The following SCTR variants were observed in gnomAD, a reference collection of about 807,000 sequenced individuals.
The protein encoded by SCTR is pancreatic secretin receptor.
Under a neutral mutation model 60.8 loss-of-function variants are expected in SCTR, and 56 were observed. That is an observed-to-expected ratio of 0.92 (90% CI 0.74 to 1.15). SCTR has a LOEUF of 1.15. SCTR is among the 50% of genes most tolerant of loss of function. The pLI, the probability that SCTR is intolerant of heterozygous loss-of-function variation, is 0.00. For missense variants in SCTR, 562 were observed against 550.4 expected (o/e 1.02, Z -0.21); for synonymous variants, 202 against 217.0 (o/e 0.93, Z 0.61).
At chr2:119,451,089 C>T (rs60253206) in intron 9 of SCTR, among the ~76,000 whole-genome samples, 21,560 of 152,260 alleles carry the variant, frequency 0.14, 1,756 homozygotes, top group East Asian at 0.31. Flanking sequence ...AGATGCCACC[C>T]AGGCAGCTAC....
chr2:119,459,108 A>G (rs917259549), intron 7 of SCTR, among the ~76,000 whole-genome samples: 19 of 152,240 alleles, frequency 1.2e-4, no homozygotes, highest in African/African-American at 4.6e-4. Flanking sequence ...TACAGAAAAC[A>G]CTTTGCCCAT....
At position 119,464,635 on chromosome 2, in the gene SCTR, G is replaced by A. The variant is rs1013294809; in HGVS notation, c.504-380C>T. 2.0e-5 allele frequency among the ~76,000 whole-genome samples: 3 copies of A among 152,128 alleles called. No individual in the cohort carries two copies. In the East Asian group the frequency reaches 5.8e-4, roughly 29 times the overall value. On this transcript the variant is annotated intron_variant, in intron 5 of 12. Coordinates refer to ENST00000019103, the MANE Select transcript of SCTR (RefSeq NM_002980.3). ...ATGGTGGTGCCTGCCTGTATTCCTT[G>A]TACAAGAGGCTGAAGTGGGAGGATT... is the stretch of plus-strand genomic sequence containing the variant.
At chr2:119,482,790 C>T (rs1039196908) in intron 2 of SCTR, among the ~76,000 whole-genome samples, 2 of 152,246 alleles carry the variant, frequency 1.3e-5, no homozygotes, top group Non-Finnish European at 1.5e-5. Flanking sequence ...GGACCCTTTA[C>T]GGACAGCCCA....
chr2:119,441,543 C>T lies in SCTR; in HGVS notation c.1182+15G>A. 6.2e-7 allele frequency: 1 copy of T among 1,607,772 alleles called. No individual in the cohort carries two copies. The highest frequency in any genetic ancestry group is 8.5e-7 in the Non-Finnish European group (1 of 1,175,098). The stretch of plus-strand genomic sequence containing the variant: ...GGAGCTCTCCTGGGTACCTGGGTGA[C>T]CCAAGACTACTCACCTCCCCATTGA... On this transcript the variant is annotated intron_variant, in intron 12 of 12. Transcript: ENST00000019103.
chr2:119,512,486 T>C (rs1308726582), intron 1 of SCTR, among the ~76,000 whole-genome samples: 1 of 152,108 alleles, frequency 6.6e-6, no homozygotes, highest in East Asian at 1.9e-4. Context: ...ATCCTCTGCC[T>C]CCCAGGCTCA....
rs1683735720 is a variant in SCTR at position 119,464,218 on chromosome 2, G to GGTGCATGT, written c.533_540dup (p.Leu181ThrfsTer125). The stretch of plus-strand genomic sequence containing the variant: ...GCACGAAGGATGAAGGACACGAACA[G>GGTGCATGT]GTGCATGTGGATGTAGTTGCGAGTG... On this transcript the variant is annotated frameshift_variant, in exon 6 of 13. Transcript: ENST00000019103. LOFTEE classifies it high-confidence loss of function. The GGTGCATGT allele has an allele frequency of 4.3e-6, 7 of 1,614,198 alleles. No individual in the cohort carries two copies. The highest frequency in any genetic ancestry group is 4.0e-5 in the African/African-American group (3 of 75,054).
chr2:119,462,599 G>C (rs750532588), intron 6 of SCTR, among the ~76,000 whole-genome samples: 1 of 152,216 alleles, frequency 6.6e-6, no homozygotes, highest in Non-Finnish European at 1.5e-5. Context: ...CCCCTGCAGG[G>C]ATCCCCGGAA....
intron 3 of SCTR, among the ~76,000 whole-genome samples, chr2:119,474,062 C>A (rs1283183280): frequency 6.6e-6 from 1 of 152,206 alleles, no homozygotes; most frequent in Non-Finnish European, 1.5e-5. Context: ...GGTGGAGGGT[C>A]CTTCGGCCAC....
intron 9 of SCTR, among the ~76,000 whole-genome samples, chr2:119,451,135 C>T (rs1683149344): frequency 6.6e-6 from 1 of 152,330 alleles, no homozygotes; most frequent in African/African-American, 2.4e-5. Flanking sequence ...GCCCTCTCCC[C>T]CTACCCCACG....
intron 11 of SCTR, among the ~76,000 whole-genome samples, chr2:119,445,961 A>G (rs1682910222): frequency 6.6e-6 from 1 of 152,182 alleles, no homozygotes; most frequent in Non-Finnish European, 1.5e-5. Flanking sequence ...CAAAAGCGAC[A>G]TTGCATTATT....
intron 1 of SCTR, among the ~76,000 whole-genome samples, chr2:119,496,706 A>G (rs2587673): frequency 0.86 from 130,374 of 152,104 alleles, 55,967 homozygotes; most frequent in African/African-American, 0.9. Flanking sequence ...GACAAAAACA[A>G]CCCCAGCAAA....
chr2:119,478,561 A>C (rs1443888352), intron 3 of SCTR, among the ~76,000 whole-genome samples: 1 of 152,128 alleles, frequency 6.6e-6, no homozygotes, highest in African/African-American at 2.4e-5. Context: ...GGGAAGACAG[A>C]AGCAGGCCCA....
At chr2:119,451,978 G>C in intron 9 of SCTR, 32 bp downstream of exon 9, 1 of 1,404,314 alleles carries the variant, frequency 7.1e-7, no homozygotes, top group Non-Finnish European at 1.0e-6. Context: ...CTCTCCCACT[G>C]ATCCCCAGCT....
intron 1 of SCTR, among the ~76,000 whole-genome samples, chr2:119,518,484 C>CA (rs1308467512): frequency 6.6e-6 from 1 of 152,126 alleles, no homozygotes; most frequent in African/African-American, 2.4e-5. Flanking sequence ...CAGGAGCCTG[C>CA]AGCACAATGG....
chr2:119,519,379 A>G (rs780000891), intron 1 of SCTR, among the ~76,000 whole-genome samples: 9 of 152,214 alleles, frequency 5.9e-5, no homozygotes, highest in Non-Finnish European at 1.3e-4. Context: ...TGTGTAACTC[A>G]GTATTTTTTT....
rs1246570768 is a variant in SCTR, at chr2:119,465,805, T to C, written c.487A>G (p.Ile163Val). Residue 163 changes from isoleucine to valine, a missense_variant, in exon 5 of 13, where the codon ATC becomes GTC. By Grantham distance (29) the Ile-to-Val change is conservative. Transcript: ENST00000019103. ...SLVMLLVALG[I>V]LCAFRRLHCT... is the part of the protein sequence containing the mutation. ...TGTTCTCACCGGAAAGCACAGAGGATGCCAAGGGCGACCAGGAGCATGACC... is the reference window on the plus strand; with the variant it reads ...TGTTCTCACCGGAAAGCACAGAGGACGCCAAGGGCGACCAGGAGCATGACC... 1 of 1,613,144 alleles carries C rather than the reference T, an allele frequency of 6.2e-7. No homozygotes were observed. The highest frequency in any genetic ancestry group is 2.2e-5 in the East Asian group (1 of 44,862).
intron 2 of SCTR, among the ~76,000 whole-genome samples, chr2:119,481,231 T>A (rs773352314): frequency 1.3e-5 from 2 of 152,226 alleles, no homozygotes; most frequent in Non-Finnish European, 2.9e-5. Flanking sequence ...AATGCTCAGC[T>A]TTTTTAAGGA....
intron 4 of SCTR, among the ~76,000 whole-genome samples, chr2:119,470,989 C>T (rs1432191716): frequency 6.6e-6 from 1 of 152,242 alleles, no homozygotes; most frequent in Admixed American, 6.5e-5. Flanking sequence ...GCATGAGCCA[C>T]TGTGCCTGGC....
chr2:119,510,646 G>A (rs947644651), intron 1 of SCTR, among the ~76,000 whole-genome samples: 2 of 151,648 alleles, frequency 1.3e-5, no homozygotes, highest in Non-Finnish European at 2.9e-5. Flanking sequence ...TCACAGGAGG[G>A]ACAAATGAAG....
Sources: allele counts gnomAD v4.1 joint callset (sites outside exome capture counted in the v4.1 genomes callset), GRCh38; gene constraint gnomAD v4.1.1; transcripts MANE v1.5; gene names NCBI Gene and HGNC (gene_info 2026-07-23, HGNC 2026-07-21).